Variants in VSNL1 observed in about 807,000 individuals in gnomAD.
VSNL1 encodes visinin-like protein 1.
In VSNL1, 6 loss-of-function variants were observed where a neutral mutation model predicts 20.4. The ratio of observed to expected loss-of-function variants is 0.29; its 90% confidence interval spans 0.16 to 0.58. VSNL1 has a LOEUF of 0.58. Ranked by LOEUF, VSNL1 falls within the 20% of genes least tolerant of loss-of-function variation. The pLI is 0.90. For synonymous variants in VSNL1, 93 were observed against 86.4 expected (o/e 1.08, Z -0.42); for missense variants, 100 against 234.5 (o/e 0.43, Z 3.75).
At chr2:17,565,473 A>G (rs953464589) in intron 1 of VSNL1, among the ~76,000 whole-genome samples, 1 of 152,114 alleles carries the variant, frequency 6.6e-6, no homozygotes, top group African/African-American at 2.4e-5. Flanking sequence ...TAATATGTAG[A>G]TCTATACAGT....
At chr2:17,596,222 A>G (rs1664707659) in intron 2 of VSNL1, among the ~76,000 whole-genome samples, 1 of 152,182 alleles carries the variant, frequency 6.6e-6, no homozygotes, top group South Asian at 2.1e-4. Context: ...CTCCCTGGAC[A>G]CGTAGGGATT....
intron 1 of VSNL1, among the ~76,000 whole-genome samples, chr2:17,572,314 T>C (rs1664103177): frequency 6.6e-6 from 1 of 152,162 alleles, no homozygotes; most frequent in Non-Finnish European, 1.5e-5. Context: ...TGGAGGCACT[T>C]GTTTTTATTT....
chr2:17,566,442 A>G (rs1250394873), intron 1 of VSNL1, among the ~76,000 whole-genome samples: 1 of 152,132 alleles, frequency 6.6e-6, no homozygotes, highest in Non-Finnish European at 1.5e-5. Flanking sequence ...TTTAAATCAA[A>G]CTGATTATAT....
At chr2:17,642,064 G>A (rs1665892700) in intron 2 of VSNL1, among the ~76,000 whole-genome samples, 1 of 151,994 alleles carries the variant, frequency 6.6e-6, no homozygotes. Context: ...TTATATCCAG[G>A]GAAACGAAAG....
intron 1 of VSNL1, among the ~76,000 whole-genome samples, chr2:17,556,411 AGAC>A (rs1025206762): frequency 3.6e-4 from 55 of 152,336 alleles, no homozygotes; most frequent in African/African-American, 1.3e-3. Context: ...ATTGGTAGGC[AGAC>A]ATCATGATAG....
At chr2:17,599,451 G>T (rs1478787769) in intron 2 of VSNL1, among the ~76,000 whole-genome samples, 1 of 152,190 alleles carries the variant, frequency 6.6e-6, no homozygotes, top group Non-Finnish European at 1.5e-5. Context: ...AAGTATGTTA[G>T]GTTGAAACAA....
At chr2:17,606,562 G>T (rs1258092184) in intron 2 of VSNL1, among the ~76,000 whole-genome samples, 1 of 152,198 alleles carries the variant, frequency 6.6e-6, no homozygotes, top group Non-Finnish European at 1.5e-5. Flanking sequence ...GGTGGGCTAT[G>T]ACTGTGAGGT....
rs116233509 is a variant in VSNL1, at chr2:17,621,189, A to G, written c.163-28221A>G. The stretch of plus-strand genomic sequence containing the variant: ...TAAAAATCAGCAGTTTCTTTCTCTA[A>G]AAATCAACAGTTTCTTCCTTCCTTC... On this transcript the variant is annotated intron_variant, in intron 2 of 3. Coordinates refer to ENST00000295156, the MANE Select transcript of VSNL1 (RefSeq NM_003385.5). Among the ~76,000 whole-genome samples, 398 of 152,158 alleles carry G rather than the reference A, an allele frequency of 2.6e-3. 1 individual carries two copies. The highest frequency in any genetic ancestry group is 9.3e-3 in the African/African-American group (386 of 41,520).
chr2:17,591,589 A>G (rs1664594614), intron 1 of VSNL1, among the ~76,000 whole-genome samples: 1 of 152,110 alleles, frequency 6.6e-6, no homozygotes, highest in Non-Finnish European at 1.5e-5. Flanking sequence ...GAGACTCCTT[A>G]ATATTGCTGA....
At chr2:17,597,314 G>A (rs1361097224) in intron 2 of VSNL1, among the ~76,000 whole-genome samples, 1 of 152,294 alleles carries the variant, frequency 6.6e-6, no homozygotes, top group Non-Finnish European at 1.5e-5. Context: ...TCAATGTCCT[G>A]ACCCTCATGC....
chr2:17,559,751 A>T (rs1304365045), intron 1 of VSNL1, among the ~76,000 whole-genome samples: 1 of 152,192 alleles, frequency 6.6e-6, no homozygotes, highest in Non-Finnish European at 1.5e-5. Flanking sequence ...TCTCAGGAGT[A>T]GATACAGATT....
rs895763909 is a variant in VSNL1, at chr2:17,649,288, T to C, written c.163-122T>C. ...GCCCTTGACAGTCAGGCCAAACTGC[T>C]CTCCAATGGGTGAGGCTCCGACAAC... On this transcript the variant is annotated intron_variant, in intron 2 of 3. Coordinates refer to ENST00000295156, the MANE Select transcript of VSNL1 (RefSeq NM_003385.5). This position sits in a 1 kb window ranked among gnomAD's most constrained non-coding sequence, Gnocchi z 6.4. 4.6e-5 allele frequency: 43 copies of C among 940,614 alleles called. 1 individual carries two copies. The highest frequency in any genetic ancestry group is 3.8e-4 in the South Asian group (25 of 66,046). 58.3% of individuals were successfully genotyped at this position (940,614 alleles called of 1,614,324 possible).
chr2:17,604,582 G>A (rs180864976), intron 2 of VSNL1, among the ~76,000 whole-genome samples: 1 of 152,232 alleles, frequency 6.6e-6, no homozygotes, highest in Non-Finnish European at 1.5e-5. Context: ...CCAACTTTCC[G>A]GGTAAAAACA....
chr2:17,577,300 G>A (rs1275489092), intron 1 of VSNL1, among the ~76,000 whole-genome samples: 1 of 152,088 alleles, frequency 6.6e-6, no homozygotes, highest in Non-Finnish European at 1.5e-5. Flanking sequence ...GATAGTTTTT[G>A]TATTGAACTT....
At chr2:17,627,313 T>C (rs545763829) in intron 2 of VSNL1, among the ~76,000 whole-genome samples, 1 of 152,344 alleles carries the variant, frequency 6.6e-6, no homozygotes, top group Admixed American at 6.5e-5. Flanking sequence ...CAAAGATAGA[T>C]AAAAGATGAC....
chr2:17,572,953 T>A (rs556047391), intron 1 of VSNL1, among the ~76,000 whole-genome samples: 1 of 152,236 alleles, frequency 6.6e-6, no homozygotes. Context: ...TATTCATTCA[T>A]CATCCATTCA....
intron 1 of VSNL1, among the ~76,000 whole-genome samples, chr2:17,557,052 C>T (rs541391353): frequency 1.3e-5 from 2 of 152,124 alleles, no homozygotes; most frequent in South Asian, 4.2e-4. Flanking sequence ...TGTTTGTAAA[C>T]AATCATTAGC....
chr2:17,567,847 G>A (rs1243469719), intron 1 of VSNL1: 1 of 151,846 alleles, frequency 6.6e-6, no homozygotes. Flanking sequence ...TTACTAATAA[G>A]GTCAATACCT....
chr2:17,545,551 A>G (rs2103334699), intron 1 of VSNL1, among the ~76,000 whole-genome samples: 2 of 152,278 alleles, frequency 1.3e-5, no homozygotes. Flanking sequence ...GAGCTATGGA[A>G]TTATTTTAAC....
Sources: allele counts gnomAD v4.1 joint callset (sites outside exome capture counted in the v4.1 genomes callset), GRCh38; gene constraint gnomAD v4.1.1; non-coding constraint Gnocchi (gnomAD v3.1); transcripts MANE v1.5; gene names NCBI Gene and HGNC (gene_info 2026-07-23, HGNC 2026-07-21).